DSTYK: variants seen among roughly 807,000 people sequenced by gnomAD.
The protein encoded by DSTYK is dual serine/threonine and tyrosine protein kinase, also known as RIP-homologous kinase.
In DSTYK, 34 loss-of-function variants were observed where a neutral mutation model predicts 98.7. The observed-to-expected ratio is 0.34, with a 90% CI of 0.26 to 0.46. The LOEUF (loss-of-function observed/expected upper bound fraction) is 0.46, where lower values mean the gene tolerates loss of function less well. DSTYK is among the 20% of genes least tolerant of loss of function. The pLI is 1.00. For synonymous variants in DSTYK, 462 were observed against 457.3 expected (o/e 1.01, Z -0.13); for missense variants, 962 against 1,181.7 (o/e 0.81, Z 2.73).
At chr1:205,165,857 G>C (rs1340093810) in intron 3 of DSTYK, among the ~76,000 whole-genome samples, 4 of 151,982 alleles carry the variant, frequency 2.6e-5, no homozygotes, top group African/African-American at 4.8e-5. Context: ...ATGATGGTGT[G>C]ATGGTGCACA....
In DSTYK at chr1:205,169,024, C is replaced by T; in HGVS notation, c.1324+139G>A. 1 of 707,694 alleles carries T rather than the reference C, an allele frequency of 1.4e-6. No individual in the cohort carries two copies. The highest frequency in any genetic ancestry group is 2.3e-6 in the Non-Finnish European group (1 of 428,276). 43.8% of individuals were successfully genotyped at this position (707,694 alleles called of 1,614,324 possible). ...GAGGCCACCTTGGCTAAATAGTGGG[C>T]TCCTGCTGGTAACAGTGGGGTGGAT... is the stretch of plus-strand genomic sequence containing the variant. On this transcript the variant is annotated intron_variant, in intron 3 of 12. Transcript: ENST00000367162. This position sits in a 1 kb window ranked among gnomAD's most constrained non-coding sequence, Gnocchi z 4.0.
At chr1:205,166,471 CAA>C (rs34123378) in intron 3 of DSTYK, among the ~76,000 whole-genome samples, 2 of 131,158 alleles carry the variant, frequency 1.5e-5, no homozygotes. Context: ...CTCGTCTTTA[CAA>C]AAAAAAAAAA....
intron 7 of DSTYK, 68 bp from the exon 8 acceptor site, chr1:205,160,338 CTTT>C (rs368449201): frequency 1.7e-3 from 1,880 of 1,131,648 alleles, no homozygotes; most frequent in Non-Finnish European, 1.9e-3. Context: ...CTGTAAGATT[CTTT>C]TTTTTTTTTT....
intron 1 of DSTYK, chr1:205,202,247 T>C: frequency 1.7e-6 from 1 of 601,008 alleles, no homozygotes; most frequent in Non-Finnish European, 3.3e-6. Flanking sequence ...AATCAAGAGG[T>C]TCAAATCTTC....
At chr1:205,151,685 T>C (rs1657409607) in intron 10 of DSTYK, among the ~76,000 whole-genome samples, 1 of 118,170 alleles carries the variant, frequency 8.5e-6, no homozygotes. Context: ...AGGCTGGTTA[T>C]AGGCTTTCTT....
intron 1 of DSTYK, among the ~76,000 whole-genome samples, chr1:205,207,756 A>C (rs1310132747): frequency 1.1e-3 from 9 of 7,884 alleles, no homozygotes; most frequent in African/African-American, 3.5e-3. Context: ...ACTCTGTCTC[A>C]AAAAAAAAAA....
rs991969050 is a variant in DSTYK, at chr1:205,157,340, A to G, written c.2285T>C (p.Val762Ala). The G allele has an allele frequency of 1.2e-6, 2 of 1,614,008 alleles. No individual in the cohort carries two copies. Among genetic ancestry groups the G allele is most frequent in the African/African-American group, 2.7e-5 (2 of 74,916 alleles). Residue 762 changes from valine to alanine, a missense_variant, in exon 10 of 13, where the codon GTG (valine) becomes GCG (alanine). Transcript: ENST00000367162. The stretch of plus-strand genomic sequence containing the variant: ...GCTGTGCAGGAAGCGGATTCCCTCC[A>G]CCACATCTAGTGCTATCTGCAAACG... ...ETRLQIALDV[V>A]EGIRFLHSQG...
chr1:205,189,085 T>C (rs376599957), intron 1 of DSTYK, among the ~76,000 whole-genome samples: 5 of 152,088 alleles, frequency 3.3e-5, no homozygotes, highest in African/African-American at 1.2e-4. Context: ...TATGTGTCAA[T>C]TTAAAAAATC....
At chr1:205,159,984 C>T in intron 8 of DSTYK, 130 bp downstream of exon 8, 1 of 1,092,670 alleles carries the variant, frequency 9.2e-7, no homozygotes, top group Non-Finnish European at 1.4e-6. Context: ...TGAAAGGGAG[C>T]ACATGTCTGT....
At position 205,169,743 on chromosome 1, in the gene DSTYK, T is replaced by C. The variant is rs146503031; in HGVS notation, c.744A>G (p.Ile248Met). ...GDLVNDFLPV[I>M]TYALHKDELS... is the part of the protein sequence containing the mutation. The stretch of plus-strand genomic sequence containing the variant: ...GTTCATCTTTGTGGAGTGCATAGGT[T>C]ATCACAGGCAAGAAATCATTCACCA... Residue 248 changes from isoleucine (I) to methionine (M), a missense_variant, in exon 3 of 13, where the codon ATA becomes ATG. By Grantham distance (10) the Ile-to-Met change is conservative. Transcript: ENST00000367162. This position sits in a 1 kb window ranked among gnomAD's most constrained non-coding sequence, Gnocchi z 4.0. 6 of 1,614,232 alleles carry C rather than the reference T, an allele frequency of 3.7e-6. No individual in the cohort carries two copies. The highest frequency in any genetic ancestry group is 1.1e-5 in the South Asian group (1 of 91,082).
chr1:205,150,593 G>A lies in DSTYK; in HGVS notation c.2467+87C>T. 3 of 1,075,336 alleles carry A rather than the reference G, an allele frequency of 2.8e-6. No homozygotes were observed. In the Admixed American group the frequency reaches 6.0e-5, roughly 21 times the overall value. 66.6% of individuals were successfully genotyped at this position (1,075,336 alleles called of 1,614,324 possible). A position where few individuals can be genotyped will look rare whatever the true frequency, so the allele number is the denominator to read the frequency against. On this transcript the variant is annotated intron_variant, in intron 11 of 12. Transcript: ENST00000367162. The surrounding 1 kb of genome is among the most constrained non-coding windows in gnomAD (Gnocchi z 4.1). ...CTTGCCTGTGCCAGACCTGCCAGTA[G>A]TGATTGTGGAAACGAGCTCAAGGGG...
At chr1:205,198,329 A>G (rs1166275167) in intron 1 of DSTYK, among the ~76,000 whole-genome samples, 1 of 152,216 alleles carries the variant, frequency 6.6e-6, no homozygotes, top group East Asian at 1.9e-4. Context: ...CTTTTATCCT[A>G]TACCAACAAA....
In DSTYK at chr1:205,169,573, C is replaced by T. The variant is rs756636882; in HGVS notation, c.914G>A (p.Arg305His). The change falls in exon 3 of 13, where the codon CGC becomes CAC. Residue 305 changes from arginine (R) to histidine (H), a missense_variant. Transcript: ENST00000367162. This position sits in a 1 kb window ranked among gnomAD's most constrained non-coding sequence, Gnocchi z 4.0. ...CAGATAGCCCAGGTCAATTAGCTGG[C>T]GATAAAGCGGTGATCTTTCGCTCTC... is the stretch of plus-strand genomic sequence containing the variant. ...RMESERSPLY[R>H]QLIDLGYLSS... 3.2e-5 allele frequency: 51 copies of T among 1,613,996 alleles called. No homozygotes were observed. Among genetic ancestry groups the T allele is most frequent in the Admixed American group, 1.8e-4 (11 of 60,000 alleles).
At chr1:205,154,690 G>A (rs1021344047) in intron 10 of DSTYK, among the ~76,000 whole-genome samples, 9 of 152,220 alleles carry the variant, frequency 5.9e-5, no homozygotes, top group African/African-American at 2.2e-4. Context: ...GTAACAGACA[G>A]AGGCTGGAAC....
intron 1 of DSTYK, among the ~76,000 whole-genome samples, chr1:205,198,784 A>T (rs551201592): frequency 2.6e-5 from 4 of 151,926 alleles, no homozygotes; most frequent in East Asian, 1.9e-4. Context: ...AGAAAATATT[A>T]AAAAAAAGAT....
intron 1 of DSTYK, among the ~76,000 whole-genome samples, chr1:205,204,847 A>C (rs1659154267): frequency 6.6e-6 from 1 of 152,224 alleles, no homozygotes; most frequent in African/African-American, 2.4e-5. Context: ...ATGGAATCAT[A>C]CAATATGTGG....
At chr1:205,164,750 C>A (rs988790998) in intron 3 of DSTYK, among the ~76,000 whole-genome samples, 16 of 152,052 alleles carry the variant, frequency 1.1e-4, no homozygotes, top group African/African-American at 3.6e-4. Context: ...TGTGAGCCAC[C>A]GTGCCCGGCA....
chr1:205,203,885 A>G (rs1172563729), intron 1 of DSTYK, among the ~76,000 whole-genome samples: 1 of 152,186 alleles, frequency 6.6e-6, no homozygotes, highest in East Asian at 1.9e-4. Flanking sequence ...ACTGCACTCC[A>G]GCCTGGGCAA....
rs1659066218 is a variant in DSTYK at position 205,202,265 on chromosome 1, C to CT, written c.265+9005dup. On this transcript the variant is annotated intron_variant, in intron 1 of 12. Coordinates refer to ENST00000367162, the MANE Select transcript of DSTYK (RefSeq NM_015375.3). Reference sequence around the variant, plus strand: ...CAAGAGGTTCAAATCTTCGTGTTCACTTTAAGAATACTCATGACACTTCTC... The same window carrying CT: ...CAAGAGGTTCAAATCTTCGTGTTCACTTTTAAGAATACTCATGACACTTCTC... The CT allele has an allele frequency of 4.8e-6, 3 of 622,844 alleles. No individual in the cohort carries two copies. In the Admixed American group the frequency reaches 5.5e-5, roughly 11 times the overall value. The allele number at this position is 622,844 out of a possible 1,614,324, so 38.6% of individuals were successfully genotyped here. A position where few individuals can be genotyped will look rare whatever the true frequency, so the allele number is the denominator to read the frequency against.
Sources: gnomAD v4.1 joint callset for allele counts (sites outside exome capture counted in the v4.1 genomes callset) on GRCh38, gnomAD v4.1.1 for gene constraint, Gnocchi (gnomAD v3.1) non-coding constraint, MANE v1.5 for transcripts, NCBI Gene and HGNC (gene_info 2026-07-23, HGNC 2026-07-21) for gene names.